Variants in ARHGEF28 observed in about 807,000 individuals in gnomAD.
ARHGEF28 encodes Rho guanine nucleotide exchange factor 28.
Under a neutral mutation model 206.6 loss-of-function variants are expected in ARHGEF28, and 152 were observed. The ratio of observed to expected loss-of-function variants is 0.74; its 90% confidence interval spans 0.64 to 0.84. The LOEUF is 0.84. Ranked by LOEUF, ARHGEF28 falls within the 40% of genes least tolerant of loss-of-function variation. The pLI is 0.00. For synonymous variants in ARHGEF28, 763 were observed against 776.4 expected, an observed-to-expected ratio of 0.98 and a Z score of 0.29; for missense variants, 2,028 against 2,073.2, an observed-to-expected ratio of 0.98 and a Z score of 0.42.
intron 1 of ARHGEF28, among the ~76,000 whole-genome samples, chr5:73,657,051 T>C (rs952989488): frequency 1.5e-4 from 22 of 151,664 alleles, no homozygotes; most frequent in African/African-American, 4.4e-4. Context: ...CGGGCACGTG[T>C]AGTCCCAGCT....
intron 9 of ARHGEF28, among the ~76,000 whole-genome samples, chr5:73,825,128 A>G (rs1756827404): frequency 6.6e-6 from 1 of 152,204 alleles, no homozygotes. Context: ...TGCTGTTCTC[A>G]TGGAGCATAT....
chr5:73,636,003 G>A (rs1267241868), intron 1 of ARHGEF28, among the ~76,000 whole-genome samples: 1 of 152,084 alleles, frequency 6.6e-6, no homozygotes, highest in African/African-American at 2.4e-5. Flanking sequence ...TCTCCCATTT[G>A]ATCACCAGAA....
chr5:73,772,554 T>G (rs55900900), intron 4 of ARHGEF28, among the ~76,000 whole-genome samples: 13 of 152,122 alleles, frequency 8.5e-5, no homozygotes, highest in African/African-American at 3.1e-4. Flanking sequence ...AATTTTTGTA[T>G]TTTTTGTGGA....
chr5:73,925,129 C>T (rs1216131881), intron 35 of ARHGEF28, among the ~76,000 whole-genome samples: 3 of 152,168 alleles, frequency 2.0e-5, no homozygotes, highest in Non-Finnish European at 4.4e-5. Flanking sequence ...GTATCCAGAC[C>T]TCTTAGAGCT....
At chr5:73,861,769 A>G (rs1414133316) in intron 16 of ARHGEF28, among the ~76,000 whole-genome samples, 2 of 151,022 alleles carry the variant, frequency 1.3e-5, no homozygotes, top group Non-Finnish European at 2.9e-5. Flanking sequence ...ATTAAATTCT[A>G]GAATCAGTAT....
chr5:73,745,464 A>T (rs1423447225), intron 2 of ARHGEF28, among the ~76,000 whole-genome samples: 1 of 152,104 alleles, frequency 6.6e-6, no homozygotes, highest in Admixed American at 6.5e-5. Flanking sequence ...GAAGAAATCC[A>T]TAGATGTCAC....
At chr5:73,835,469 C>CAAAAA (rs35411118) in intron 10 of ARHGEF28, among the ~76,000 whole-genome samples, 5 of 102,614 alleles carry the variant, frequency 4.9e-5, no homozygotes, top group African/African-American at 1.9e-4. Context: ...GACTCTGTCT[C>CAAAAA]AAAAAAAAAA....
intron 22 of ARHGEF28, 79 bp downstream of exon 22, chr5:73,873,325 TA>T: frequency 3.0e-5 from 44 of 1,457,896 alleles, no homozygotes; most frequent in Middle Eastern, 1.8e-4. Context: ...TCAACAAGAG[TA>T]AAAAAAATGA....
chr5:73,933,112 T>A (rs1281689212), intron 35 of ARHGEF28, among the ~76,000 whole-genome samples: 1 of 152,168 alleles, frequency 6.6e-6, no homozygotes, highest in Non-Finnish European at 1.5e-5. Flanking sequence ...GCCCGGCCTA[T>A]TTCCTATTTC....
chr5:73,753,748 G>T (rs1048956631), intron 4 of ARHGEF28, among the ~76,000 whole-genome samples: 2 of 152,234 alleles, frequency 1.3e-5, no homozygotes, highest in African/African-American at 4.8e-5. Flanking sequence ...TTTGGAATCT[G>T]CGTGTGAACA....
chr5:73,837,019 A>G (rs1447979412), intron 10 of ARHGEF28, among the ~76,000 whole-genome samples: 1 of 152,056 alleles, frequency 6.6e-6, no homozygotes, highest in Non-Finnish European at 1.5e-5. Context: ...CCATGTGCCC[A>G]TGTGTCTGTT....
At chr5:73,677,221 A>T (rs1023471878) in intron 1 of ARHGEF28, among the ~76,000 whole-genome samples, 1 of 152,184 alleles carries the variant, frequency 6.6e-6, no homozygotes, top group African/African-American at 2.4e-5. Flanking sequence ...GAGTATTTTT[A>T]TCTGTAGATA....
At chr5:73,868,045 A>T (rs374439342) in intron 19 of ARHGEF28, 25 bp downstream of exon 19, 10 of 1,613,424 alleles carry the variant, frequency 6.2e-6, no homozygotes, top group Non-Finnish European at 7.6e-6. Context: ...GTTTTTACAT[A>T]TTAATGGCTC....
chr5:73,714,415 C>T (rs1345286840), intron 2 of ARHGEF28, among the ~76,000 whole-genome samples: 1 of 152,106 alleles, frequency 6.6e-6, no homozygotes, highest in Non-Finnish European at 1.5e-5. Context: ...CGTGGTCCAT[C>T]CCCGGGAGGC....
chr5:73,863,850 C>T (rs750472127), intron 16 of ARHGEF28, among the ~76,000 whole-genome samples: 21 of 151,984 alleles, frequency 1.4e-4, no homozygotes, highest in African/African-American at 1.2e-4. Flanking sequence ...CATAGATTAG[C>T]CTTGGGCCCT....
chr5:73,933,348 C>T (rs902081217), intron 35 of ARHGEF28, among the ~76,000 whole-genome samples: 5 of 152,190 alleles, frequency 3.3e-5, no homozygotes, highest in African/African-American at 9.6e-5. Context: ...TAGCTATAAG[C>T]TCAAATGAAC....
At position 73,916,140 on chromosome 5, in the gene ARHGEF28, T is replaced by G. The variant is rs535602909; in HGVS notation, c.4948+4565T>G. Among the ~76,000 whole-genome samples the G allele has an allele frequency of 2.0e-5, 3 of 152,294 alleles. No homozygotes were observed. The South Asian group carries it at 6.2e-4, about 32-fold the overall frequency. ...GGGAAGAAAATAGAAAATTTCCAAA[T>G]GAAAACCTATGCCATACTTAGTATT... On this transcript the variant is annotated intron_variant, in intron 35 of 35. Coordinates refer to ENST00000513042, the MANE Select transcript of ARHGEF28 (RefSeq NM_001177693.2).
chr5:73,845,965 G>A (rs1294885953), intron 11 of ARHGEF28, among the ~76,000 whole-genome samples: 2 of 114,780 alleles, frequency 1.7e-5, no homozygotes, highest in Middle Eastern at 8.9e-3. Context: ...TCCAGCCTAG[G>A]CAACAAGAAC....
intron 22 of ARHGEF28, among the ~76,000 whole-genome samples, chr5:73,881,591 C>T (rs1760955874): frequency 6.6e-6 from 1 of 152,212 alleles, no homozygotes; most frequent in Admixed American, 6.5e-5. Flanking sequence ...TGGCCCCACA[C>T]ATTCATATAA....
Sources: allele counts gnomAD v4.1 joint callset (sites outside exome capture counted in the v4.1 genomes callset), GRCh38; gene constraint gnomAD v4.1.1; transcripts MANE v1.5; gene names NCBI Gene and HGNC (gene_info 2026-07-23, HGNC 2026-07-21).